The following MAVS variants were observed in gnomAD, a reference collection of about 807,000 sequenced individuals.
MAVS encodes mitochondrial antiviral-signaling protein.
In MAVS, 20 loss-of-function variants were observed where a neutral mutation model predicts 30.2. That is an observed-to-expected ratio of 0.66 (90% confidence interval 0.47 to 0.96). The LOEUF (loss-of-function observed/expected upper bound fraction) is 0.96, where lower values mean the gene tolerates loss of function less well. Among genes scored for constraint, MAVS ranks in the 40% least tolerant of loss-of-function variants. The probability of loss-of-function intolerance (pLI) is 0.00; values close to 1 mark genes in which losing one functional copy is unlikely to be tolerated. For synonymous variants in MAVS, 278 were observed against 293.9 expected (o/e 0.95, Z 0.55); for missense variants, 624 against 701.1 (o/e 0.89, Z 1.24).
rs963085545 is a variant in MAVS, at chr20:3,867,023, G to A, written c.*876G>A. 3 of 456,640 alleles carry A rather than the reference G, an allele frequency of 6.6e-6. No individual in the cohort carries two copies. Among genetic ancestry groups the A allele is most frequent in the African/African-American group, 6.0e-5 (3 of 50,086 alleles). The allele number at this position is 456,640 out of a possible 1,614,324, so 28.3% of individuals were successfully genotyped here. On this transcript the variant is annotated 3_prime_UTR_variant, in exon 7 of 7. Transcript: ENST00000428216. ...GGCTCATTCTTCACTGGGTTCTTCT[G>A]AGATTGAACCTACAGGTGTTTGCCA...
At position 3,857,709 on chromosome 20, in the gene MAVS, G is replaced by A. The variant is rs532597930; in HGVS notation, c.192G>A (p.Arg64=). The A allele has an allele frequency of 2.5e-6, 4 of 1,614,258 alleles. No individual in the cohort carries two copies. The South Asian group carries it at 4.4e-5, about 18-fold the overall frequency. The part of the protein sequence containing the change: ...TLWHLFNTLQ[R]RPGWVEYFIA... Reference sequence around the variant, plus strand: ...GGCATCTCTTCAATACCCTTCAGCGGCGGCCCGGCTGGGTGGAGTACTTCA... The same window carrying A: ...GGCATCTCTTCAATACCCTTCAGCGACGGCCCGGCTGGGTGGAGTACTTCA... The change falls in exon 3 of 7, where the codon CGG becomes CGA. Residue 64 remains arginine, a synonymous_variant. Transcript: ENST00000428216.
In MAVS at chr20:3,874,295, T is replaced by C. The variant is rs2089975536; in HGVS notation, c.*8148T>C. On this transcript the variant is annotated 3_prime_UTR_variant, in exon 7 of 7. Coordinates refer to ENST00000428216, the MANE Select transcript of MAVS (RefSeq NM_020746.5). ...AGGGGAGGGATACTGGGGAGGGGCA[T>C]CCTGGAGTGCTGGTCTACCTCATCT... 1 of 398,290 alleles carries C rather than the reference T, an allele frequency of 2.5e-6. No homozygotes were observed. Among genetic ancestry groups the C allele is most frequent in the South Asian group, 1.3e-4 (1 of 7,776 alleles). 24.7% of individuals were successfully genotyped at this position (398,290 alleles called of 1,614,324 possible). A position where few individuals can be genotyped will look rare whatever the true frequency, so the allele number is the denominator to read the frequency against.
chr20:3,852,017 C>A (rs1295233913), intron 1 of MAVS, among the ~76,000 whole-genome samples: 2 of 111,802 alleles, frequency 1.8e-5, no homozygotes, highest in Non-Finnish European at 1.6e-5. Flanking sequence ...TCCCCCGAGA[C>A]GGAATCTGGC....
chr20:3,851,439 G>A (rs1441802814), intron 1 of MAVS, among the ~76,000 whole-genome samples: 2 of 149,980 alleles, frequency 1.3e-5, no homozygotes, highest in African/African-American at 4.9e-5. Flanking sequence ...GTGGGAGATG[G>A]AGGCTGCAGT....
chr20:3,854,220 G>A (rs1210891451), intron 1 of MAVS, among the ~76,000 whole-genome samples: 1 of 151,710 alleles, frequency 6.6e-6, no homozygotes, highest in Non-Finnish European at 1.5e-5. Context: ...TCAGGAGTCT[G>A]TGACCAGCTT....
intron 4 of MAVS, among the ~76,000 whole-genome samples, chr20:3,861,804 A>AGTGGAGTG (rs2089869475): frequency 6.6e-6 from 1 of 151,898 alleles, no homozygotes; most frequent in Non-Finnish European, 1.5e-5. Context: ...GCTGGAGTGC[A>AGTGGAGTG]GTGGAGTGAT....
rs2089943800 is a variant in MAVS at position 3,870,253 on chromosome 20, GC to G, written c.*4108del. 1 of 152,500 alleles carries G rather than the reference GC, an allele frequency of 6.6e-6. No homozygotes were observed. Among genetic ancestry groups the G allele is most frequent in the African/African-American group, 2.4e-5 (1 of 41,574 alleles). 9.4% of individuals were successfully genotyped at this position (152,500 alleles called of 1,614,324 possible). On this transcript the variant is annotated 3_prime_UTR_variant, in exon 7 of 7. Coordinates refer to ENST00000428216, the MANE Select transcript of MAVS (RefSeq NM_020746.5). ...CACCTTGGGGTGAAGGCTGGGTGGG[GC>G]CAGAGGGACCAGTGCCCTCCTCAGT...
Position 3,873,562 on chromosome 20 carries a change from G to C in MAVS, c.*7415G>C, listed in dbSNP as rs2089970475. Reference sequence around the variant, plus strand: ...AAAATAATAAAGATGTGGGGCCTGTGGGAGGTGGTTAGGTCATGAGGGTGG... The same window carrying C: ...AAAATAATAAAGATGTGGGGCCTGTCGGAGGTGGTTAGGTCATGAGGGTGG... On this transcript the variant is annotated 3_prime_UTR_variant, in exon 7 of 7. Transcript: ENST00000428216. 6.6e-6 allele frequency: 1 copy of C among 152,212 alleles called. No homozygotes were observed. Among genetic ancestry groups the C allele is most frequent in the African/African-American group, 2.4e-5 (1 of 41,386 alleles). The allele number at this position is 152,212 out of a possible 1,614,324, so 9.4% of individuals were successfully genotyped here.
In MAVS at chr20:3,874,066, C is replaced by T. The variant is rs762396323; in HGVS notation, c.*7919C>T. ...TGAAGCTACAGTGAAGTCACAGGGT[C>T]GAATACTACTGCACAGCAACGAATA... On this transcript the variant is annotated 3_prime_UTR_variant, in exon 7 of 7. Transcript: ENST00000428216. 6 of 398,330 alleles carry T rather than the reference C, an allele frequency of 1.5e-5. No individual in the cohort carries two copies. Among genetic ancestry groups the T allele is most frequent in the South Asian group, 1.3e-4 (1 of 7,840 alleles). 24.7% of individuals were successfully genotyped at this position (398,330 alleles called of 1,614,324 possible).
chr20:3,849,394 A>G (rs1413973396), intron 1 of MAVS, among the ~76,000 whole-genome samples: 2 of 152,008 alleles, frequency 1.3e-5, no homozygotes, highest in Non-Finnish European at 2.9e-5. Context: ...TAGTAGAGAA[A>G]GGGTTTCACC....
rs910490523 is a variant in MAVS at position 3,875,839 on chromosome 20, C to T, written c.*9692C>T. On this transcript the variant is annotated 3_prime_UTR_variant, in exon 7 of 7. Transcript: ENST00000428216. Reference sequence around the variant, plus strand: ...CCCATCCCCAGGTGCCATTCCCACACCATCTGAATCACTGATTTCCTCGCA... The same window carrying T: ...CCCATCCCCAGGTGCCATTCCCACATCATCTGAATCACTGATTTCCTCGCA... 6.6e-6 allele frequency: 1 copy of T among 152,524 alleles called. No homozygotes were observed. The highest frequency in any genetic ancestry group is 2.4e-5 in the African/African-American group (1 of 41,460). The allele number at this position is 152,524 out of a possible 1,614,324, so 9.4% of individuals were successfully genotyped here.
chr20:3,846,955 C>A (rs1017477219), intron 1 of MAVS, 52 bp downstream of exon 1: 2 of 152,462 alleles, frequency 1.3e-5, no homozygotes, highest in African/African-American at 4.8e-5. Context: ...CGCACGGACG[C>A]CTTTAGGGAA....
chr20:3,875,255 A>C lies in MAVS; in HGVS notation c.*9108A>C, dbSNP rs1219885587. On this transcript the variant is annotated 3_prime_UTR_variant, in exon 7 of 7. Transcript: ENST00000428216. The stretch of plus-strand genomic sequence containing the variant: ...ATAGCTAGACCACATCTCTTAAAAT[A>C]AAATAGTTAATTTAGCCAGGCATGA... 2 of 152,118 alleles carry C rather than the reference A, an allele frequency of 1.3e-5. No individual in the cohort carries two copies. Among genetic ancestry groups the C allele is most frequent in the African/African-American group, 4.8e-5 (2 of 41,430 alleles). 9.4% of individuals were successfully genotyped at this position (152,118 alleles called of 1,614,324 possible).
intron 1 of MAVS, among the ~76,000 whole-genome samples, chr20:3,849,157 T>A (rs184509471): frequency 6.6e-6 from 1 of 151,794 alleles, no homozygotes. Context: ...GAGTGGCCCC[T>A]GCCACCTCCT....
chr20:3,858,342 G>A (rs956970942), intron 3 of MAVS, among the ~76,000 whole-genome samples: 5 of 152,018 alleles, frequency 3.3e-5, no homozygotes, highest in Admixed American at 2.0e-4. Flanking sequence ...CTGAGTGCTC[G>A]GAGGCGATTT....
Position 3,865,638 on chromosome 20 carries a change from C to A in MAVS, c.1159-45C>A. ...TGGGACCGCCCTACCAGGTTCGTCTCCCTGCCAACCCCAGTCCCTTCCAGT... is the reference window on the plus strand; with the variant it reads ...TGGGACCGCCCTACCAGGTTCGTCTACCTGCCAACCCCAGTCCCTTCCAGT... On this transcript the variant is annotated intron_variant, in intron 6 of 6. Transcript: ENST00000428216. This position sits in a 1 kb window ranked among gnomAD's most constrained non-coding sequence, Gnocchi z 4.7. The A allele has an allele frequency of 6.6e-7, 1 of 1,522,464 alleles. No individual in the cohort carries two copies. Among genetic ancestry groups the A allele is most frequent in the Non-Finnish European group, 8.8e-7 (1 of 1,131,888 alleles). The allele number at this position is 1,522,464 out of a possible 1,614,324, so 94.3% of individuals were successfully genotyped here.
intron 1 of MAVS, among the ~76,000 whole-genome samples, chr20:3,848,313 G>A (rs1007133302): frequency 6.6e-6 from 1 of 152,130 alleles, no homozygotes; most frequent in Non-Finnish European, 1.5e-5. Flanking sequence ...TGGCCAGGCT[G>A]GTCTCAAACT....
intron 2 of MAVS, 53 bp downstream of exon 2, chr20:3,854,794 T>C (rs2089795412): frequency 7.5e-7 from 1 of 1,332,310 alleles, no homozygotes; most frequent in African/African-American, 1.4e-5. Context: ...GGCTGTGGAA[T>C]TCAAAGCTCA....
chr20:3,861,451 C>T lies in MAVS; in HGVS notation c.412C>T (p.Pro138Ser). ...CTACAACAGCTGCAGAGAGAAGGAG[C>T]CAAGTTACCCCATGCCTGTCCAGGA... ...IPYNSCREKE[P>S]SYPMPVQETQ... The change falls in exon 4 of 7, where the codon CCA becomes TCA. Residue 138 changes from proline to serine, a missense_variant. Pro to Ser is a moderately conservative substitution (Grantham distance 74). Coordinates refer to ENST00000428216, the MANE Select transcript of MAVS (RefSeq NM_020746.5). 2 of 1,614,122 alleles carry T rather than the reference C, an allele frequency of 1.2e-6. No individual in the cohort carries two copies. Among genetic ancestry groups the T allele is most frequent in the Non-Finnish European group, 1.7e-6 (2 of 1,180,020 alleles).
Sources: allele counts gnomAD v4.1 joint callset (sites outside exome capture counted in the v4.1 genomes callset), GRCh38; gene constraint gnomAD v4.1.1; non-coding constraint Gnocchi (gnomAD v3.1); transcripts MANE v1.5; gene names NCBI Gene and HGNC (gene_info 2026-07-23, HGNC 2026-07-21).